WTIP: variants seen among roughly 807,000 people sequenced by gnomAD.
WTIP encodes the protein WT1 interacting protein.
A neutral mutation model predicts 41.7 loss-of-function variants in WTIP; 23 were observed. That is an observed-to-expected ratio of 0.55 (90% CI 0.40 to 0.78). The LOEUF is 0.78. Among genes scored for constraint, WTIP ranks in the 30% least tolerant of loss-of-function variants. WTIP has a pLI of 0.00. For synonymous variants in WTIP, 314 were observed against 269.9 expected (o/e 1.16, Z -1.60); for missense variants, 619 against 610.5 (o/e 1.01, Z -0.15).
chr19:34,482,999 C>CTTTTTTTTTTTT (rs1568395519), intron 1 of WTIP, among the ~76,000 whole-genome samples: 2 of 121,432 alleles, frequency 1.6e-5, no homozygotes, highest in Non-Finnish European at 3.6e-5. Flanking sequence ...TTTTTTTTTT[C>CTTTTTTTTTTTT]TTTCTTCTTT....
chr19:34,481,925 C>A lies in WTIP; in HGVS notation c.-50C>A. On this transcript the variant is annotated 5_prime_UTR_variant, in exon 1 of 8. Transcript: ENST00000590071. ...CGATGCGGCGGCCCGGCCGGAGCGGCGGCGGGAAGCGGAGGCGGAGGTGAC... is the reference window on the plus strand; with the variant it reads ...CGATGCGGCGGCCCGGCCGGAGCGGAGGCGGGAAGCGGAGGCGGAGGTGAC... The A allele has an allele frequency of 1.0e-6, 1 of 970,950 alleles. No homozygotes were observed. Among genetic ancestry groups the A allele is most frequent in the Non-Finnish European group, 1.2e-6 (1 of 817,058 alleles). 60.1% of individuals were successfully genotyped at this position (970,950 alleles called of 1,614,324 possible).
At chr19:34,487,797 G>A (rs1279426219) in intron 1 of WTIP, among the ~76,000 whole-genome samples, 2 of 152,192 alleles carry the variant, frequency 1.3e-5, no homozygotes, top group Non-Finnish European at 1.5e-5. Flanking sequence ...CCAGAGGGCA[G>A]GTGGAGGCCA....
At position 34,493,707 on chromosome 19, in the gene WTIP, C is replaced by G. The variant is rs1310219761; in HGVS notation, c.1031+85C>G. On this transcript the variant is annotated intron_variant, in intron 5 of 7. Coordinates refer to ENST00000590071, the MANE Select transcript of WTIP (RefSeq NM_001080436.2). The surrounding 1 kb of genome is among the most constrained non-coding windows in gnomAD (Gnocchi z 4.1). ...AAGCATTTTTTTCCTGCTGGACTGA[C>G]TGCCCTTTGTTCTTGGCCTTTTGCC... is the stretch of plus-strand genomic sequence containing the variant. 1 of 1,576,848 alleles carries G rather than the reference C, an allele frequency of 6.3e-7. No individual in the cohort carries two copies. Among genetic ancestry groups the G allele is most frequent in the African/African-American group, 1.3e-5 (1 of 74,382 alleles).
At chr19:34,490,577 C>A in intron 2 of WTIP, 100 bp downstream of exon 2, 2 of 1,248,932 alleles carry the variant, frequency 1.6e-6, no homozygotes, top group Non-Finnish European at 2.3e-6. Context: ...GCAGATGGAC[C>A]ACCTGGCTCT....
chr19:34,500,984 C>T lies in WTIP; in HGVS notation c.*715C>T, dbSNP rs1381480189. ...CCCCCCTGCTCAGCTCGGGAAAATCCCCGTGCGGCTCCAGCCCCGGGTCAC... is the reference window on the plus strand; with the variant it reads ...CCCCCCTGCTCAGCTCGGGAAAATCTCCGTGCGGCTCCAGCCCCGGGTCAC... On this transcript the variant is annotated 3_prime_UTR_variant, in exon 8 of 8. Coordinates refer to ENST00000590071, the MANE Select transcript of WTIP (RefSeq NM_001080436.2). The T allele has an allele frequency of 2.0e-5, 3 of 152,704 alleles. No homozygotes were observed. Among genetic ancestry groups the T allele is most frequent in the Admixed American group, 6.5e-5 (1 of 15,292 alleles). The allele number at this position is 152,704 out of a possible 1,614,324, so 9.5% of individuals were successfully genotyped here.
Position 34,500,257 on chromosome 19 carries a change from C to T in WTIP, c.1281C>T (p.Val427=), listed in dbSNP as rs548503172. The change falls in exon 8 of 8, where the codon GTC becomes GTT. Residue 427 remains valine (V), a synonymous_variant. Transcript: ENST00000590071. Reference sequence around the variant, plus strand: ...CTCTTCCCTCACCCACTGTGCACGTCACTGAGCTCTGAGCAGGGGAAAACC... The same window carrying T: ...CTCTTCCCTCACCCACTGTGCACGTTACTGAGCTCTGAGCAGGGGAAAACC... ...PGPLPSPTVH[V]TEL 7 of 1,608,064 alleles carry T rather than the reference C, an allele frequency of 4.4e-6. No homozygotes were observed. Among genetic ancestry groups the T allele is most frequent in the Non-Finnish European group, 5.9e-6 (7 of 1,179,202 alleles).
At chr19:34,491,162 C>T (rs1015118840) in intron 2 of WTIP, among the ~76,000 whole-genome samples, 3 of 151,830 alleles carry the variant, frequency 2.0e-5, no homozygotes, top group Non-Finnish European at 4.4e-5. Context: ...TTACACCCAA[C>T]ATAAACTATA....
chr19:34,492,511 G>C (rs2075830640), intron 2 of WTIP, among the ~76,000 whole-genome samples: 1 of 150,882 alleles, frequency 6.6e-6, no homozygotes, highest in Admixed American at 6.6e-5. Context: ...TACCAGCCTG[G>C]CCAACATAGT....
chr19:34,490,288 C>G (rs192671650), intron 1 of WTIP, 88 bp from the exon 2 acceptor site: 1 of 1,235,984 alleles, frequency 8.1e-7, no homozygotes, highest in East Asian at 2.4e-5. Context: ...CCAGGTCAAG[C>G]GGGTGGGCGG....
intron 7 of WTIP, 140 bp from the exon 8 acceptor site, chr19:34,499,989 C>T: frequency 1.6e-6 from 2 of 1,280,208 alleles, no homozygotes; most frequent in Admixed American, 2.5e-5. Flanking sequence ...GTGTGAGCCC[C>T]TGCGCCCGGC....
At chr19:34,491,606 G>T (rs1241213889) in intron 2 of WTIP, among the ~76,000 whole-genome samples, 1 of 151,858 alleles carries the variant, frequency 6.6e-6, no homozygotes, top group Non-Finnish European at 1.5e-5. Flanking sequence ...ATAGGTGTGA[G>T]TCACCTTGCC....
rs2075774704 is a variant in WTIP, at chr19:34,482,617, G to A, written c.643G>A (p.Ala215Thr). ...LTRELERALE[A>T]RTARDYFGIC... ...CCGGGAGCTGGAGCGGGCGCTCGAG[G>A]CGCGCACGGCGCGGGACTACTTCGG... The change falls in exon 1 of 8, where the codon GCG (alanine) becomes ACG (threonine). Residue 215 changes from alanine (A) to threonine (T), a missense_variant. Ala to Thr is a moderately conservative substitution (Grantham distance 58). This residue lies in a region of WTIP where 363 missense variants were observed against 309.0 expected (regional missense o/e 1.17). Coordinates refer to ENST00000590071, the MANE Select transcript of WTIP (RefSeq NM_001080436.2). The A allele has an allele frequency of 8.1e-7, 1 of 1,229,774 alleles. No homozygotes were observed. The highest frequency in any genetic ancestry group is 1.6e-5 in the African/African-American group (1 of 64,280). The allele number at this position is 1,229,774 out of a possible 1,614,324, so 76.2% of individuals were successfully genotyped here.
At chr19:34,498,945 C>T (rs960555390) in intron 7 of WTIP, among the ~76,000 whole-genome samples, 2 of 152,022 alleles carry the variant, frequency 1.3e-5, no homozygotes, top group Non-Finnish European at 2.9e-5. Context: ...CGGTGGCTCA[C>T]GCCTACAATC....
rs2075834355 is a variant in WTIP, at chr19:34,493,147, G to A, written c.837+43G>A. 6.2e-7 allele frequency: 1 copy of A among 1,613,628 alleles called. No individual in the cohort carries two copies. The highest frequency in any genetic ancestry group is 2.2e-5 in the East Asian group (1 of 44,874). Reference sequence around the variant, plus strand: ...CCTGGCAGTGCCAGGGGTGGGAGGTGGGGCAGGGACCCTCATTCTGACTCG... The same window carrying A: ...CCTGGCAGTGCCAGGGGTGGGAGGTAGGGCAGGGACCCTCATTCTGACTCG... On this transcript the variant is annotated intron_variant, in intron 3 of 7. Coordinates refer to ENST00000590071, the MANE Select transcript of WTIP (RefSeq NM_001080436.2). The surrounding 1 kb of genome is among the most constrained non-coding windows in gnomAD (Gnocchi z 4.1).
intron 7 of WTIP, 113 bp downstream of exon 7, chr19:34,495,884 C>T (rs1010105596): frequency 3.0e-5 from 32 of 1,078,704 alleles, no homozygotes; most frequent in Admixed American, 1.9e-4. Flanking sequence ...TTGCCAGGCT[C>T]GGTGGTTCAT....
chr19:34,493,521 C>T lies in WTIP; in HGVS notation c.930C>T (p.His310=). The T allele has an allele frequency of 6.2e-7, 1 of 1,613,704 alleles. No homozygotes were observed. Among genetic ancestry groups the T allele is most frequent in the Non-Finnish European group, 8.5e-7 (1 of 1,179,882 alleles). ...MILQALGKSY[H]PGCFRCSVCN... ...TGCAGGCCCTGGGCAAGTCCTACCA[C>T]CCAGGCTGCTTCCGGTGCTCCGTGT... The change falls in exon 5 of 8, where the codon CAC becomes CAT. Residue 310 remains histidine (H), a synonymous_variant. Coordinates refer to ENST00000590071, the MANE Select transcript of WTIP (RefSeq NM_001080436.2). The surrounding 1 kb of genome is among the most constrained non-coding windows in gnomAD (Gnocchi z 4.1).
intron 6 of WTIP, 33 bp downstream of exon 6, chr19:34,494,670 C>A (rs767200857): frequency 1.2e-6 from 2 of 1,606,856 alleles, no homozygotes; most frequent in Admixed American, 3.4e-5. Flanking sequence ...TGATCAGGTG[C>A]CTGGCCCAGC....
intron 1 of WTIP, among the ~76,000 whole-genome samples, chr19:34,490,063 AC>A (rs1017253327): frequency 6.6e-6 from 1 of 152,194 alleles, no homozygotes; most frequent in Non-Finnish European, 1.5e-5. Context: ...ACATAGTGAG[AC>A]TCTGTCCCTA....
Position 34,493,595 on chromosome 19 carries a change from A to G in WTIP, c.1004A>G (p.Asn335Ser). ...CCCTTCACCGTGGACGTGGAGAACA[A>G]CATCTACTGCGTGCGAGACTATCAC... ...GVPFTVDVEN[N>S]IYCVRDYHTV... Residue 335 changes from asparagine to serine, a missense_variant, in exon 5 of 8, where the codon AAC (asparagine) becomes AGC (serine). By Grantham distance (46) the Asn-to-Ser change is conservative. Coordinates refer to ENST00000590071, the MANE Select transcript of WTIP (RefSeq NM_001080436.2). This position sits in a 1 kb window ranked among gnomAD's most constrained non-coding sequence, Gnocchi z 4.1. 6.2e-7 allele frequency: 1 copy of G among 1,613,554 alleles called. No individual in the cohort carries two copies. The highest frequency in any genetic ancestry group is 8.5e-7 in the Non-Finnish European group (1 of 1,179,880).
Sources: allele counts gnomAD v4.1 joint callset (sites outside exome capture counted in the v4.1 genomes callset), GRCh38; gene constraint gnomAD v4.1.1; regional missense constraint gnomAD v4.1.1; non-coding constraint Gnocchi (gnomAD v3.1); transcripts MANE v1.5; gene names NCBI Gene and HGNC (gene_info 2026-07-23, HGNC 2026-07-21).